DAB1: variants seen among roughly 807,000 people sequenced by gnomAD.
DAB1 encodes DAB adaptor protein 1, also known as disabled homolog 1.
Under a neutral mutation model 64.6 loss-of-function variants are expected in DAB1, and 15 were observed. The observed-to-expected ratio is 0.23, with a 90% CI of 0.16 to 0.36. The LOEUF is 0.36. DAB1 is among the 10% of genes least tolerant of loss of function. The pLI, the probability that DAB1 is intolerant of heterozygous loss-of-function variation, is 1.00. For synonymous variants in DAB1, 235 were observed against 251.9 expected, an observed-to-expected ratio of 0.93 and a Z score of 0.64; for missense variants, 596 against 706.7, an observed-to-expected ratio of 0.84 and a Z score of 1.78.
intron 4 of DAB1, among the ~76,000 whole-genome samples, chr1:58,307,670 A>G (rs942264187): frequency 3.3e-5 from 5 of 152,086 alleles, no homozygotes; most frequent in Admixed American, 6.6e-5. Context: ...AGTTAGCCAG[A>G]AAGAGAGTGG....
At chr1:57,340,510 A>T in intron 1 of DAB1, among the ~76,000 whole-genome samples, 1 of 152,174 alleles carries the variant, frequency 6.6e-6, no homozygotes, top group East Asian at 1.9e-4. Context: ...ATCTGTATTG[A>T]TTTGTGCAGC....
intron 4 of DAB1, among the ~76,000 whole-genome samples, chr1:58,168,376 C>T (rs749721278): frequency 5.3e-5 from 8 of 152,114 alleles, no homozygotes; most frequent in South Asian, 2.1e-4. Context: ...GTCACCCAAG[C>T]GAAACTTGCC....
intron 4 of DAB1, among the ~76,000 whole-genome samples, chr1:58,168,944 TAGG>T: frequency 6.6e-6 from 1 of 152,222 alleles, no homozygotes. Flanking sequence ...CTTTGTGGTC[TAGG>T]AGGACAGGCA....
At chr1:58,043,577 C>T (rs1258180150) in intron 5 of DAB1, among the ~76,000 whole-genome samples, 4 of 152,174 alleles carry the variant, frequency 2.6e-5, no homozygotes, top group South Asian at 4.1e-4. Context: ...TAAAGCCTTC[C>T]GTGAATCTCA....
intron 4 of DAB1, among the ~76,000 whole-genome samples, chr1:58,158,351 T>C (rs776822447): frequency 6.6e-6 from 1 of 152,198 alleles, no homozygotes; most frequent in African/African-American, 2.4e-5. Context: ...AGAGCAGAGA[T>C]AAATTCAAAG....
In DAB1 at chr1:58,041,908, G is replaced by T. The variant is rs185362699; in HGVS notation, n.387+108603C>A. 1.8e-3 allele frequency among the ~76,000 whole-genome samples: 278 copies of T among 152,286 alleles called. 2 individuals carry two copies. Among genetic ancestry groups the T allele is most frequent in the Non-Finnish European group, 2.9e-3 (198 of 68,026 alleles). ...AGGCCATGCATACCTGCTAAGAAAG[G>T]GCTTATCCCCAACACCAACCTCTCA... is the stretch of plus-strand genomic sequence containing the variant. On this transcript the variant is annotated intron_variant and non_coding_transcript_variant, in intron 5 of 20. Coordinates refer to the DAB1 transcript ENST00000485760.
At chr1:58,425,476 T>C (rs1644814132) in intron 3 of DAB1, among the ~76,000 whole-genome samples, 1 of 152,208 alleles carries the variant, frequency 6.6e-6, no homozygotes, top group African/African-American at 2.4e-5. Context: ...TTATGGGGTC[T>C]GAATTTCAGA....
At chr1:57,308,975 G>A (rs1229454838) in intron 1 of DAB1, among the ~76,000 whole-genome samples, 1 of 152,166 alleles carries the variant, frequency 6.6e-6, no homozygotes, top group African/African-American at 2.4e-5. Flanking sequence ...CACCCTGACA[G>A]CCACATGTAG....
intron 5 of DAB1, among the ~76,000 whole-genome samples, chr1:57,919,072 G>A (rs988243749): frequency 6.6e-6 from 1 of 152,198 alleles, no homozygotes; most frequent in Non-Finnish European, 1.5e-5. Flanking sequence ...GAGTAAGAGA[G>A]ACCTCAATTT....
At chr1:58,375,152 C>T (rs1045863992) in intron 3 of DAB1, among the ~76,000 whole-genome samples, 21 of 149,756 alleles carry the variant, frequency 1.4e-4, no homozygotes, top group Non-Finnish European at 2.5e-4. Flanking sequence ...TTGCTCTTTT[C>T]CTAATTGAAT....
chr1:58,073,364 C>T (rs367687590), intron 5 of DAB1, among the ~76,000 whole-genome samples: 3 of 152,186 alleles, frequency 2.0e-5, no homozygotes, highest in African/African-American at 7.2e-5. Flanking sequence ...TCTACCCACC[C>T]TCAATTTCCA....
intron 4 of DAB1, among the ~76,000 whole-genome samples, chr1:57,123,916 A>G (rs931438643): frequency 6.6e-5 from 10 of 152,180 alleles, no homozygotes; most frequent in African/African-American, 2.2e-4. Context: ...ATTTCACATA[A>G]TTTGCAGTTT....
intron 6 of DAB1, among the ~76,000 whole-genome samples, chr1:57,798,192 G>T (rs1029924728): frequency 6.6e-6 from 1 of 152,210 alleles, no homozygotes; most frequent in African/African-American, 2.4e-5. Flanking sequence ...GAGCTGCAGT[G>T]CTTTCCACTC....
chr1:57,987,832 T>G (rs1445367656), intron 5 of DAB1, among the ~76,000 whole-genome samples: 1 of 131,448 alleles, frequency 7.6e-6, no homozygotes. Flanking sequence ...GTGAGAGGGT[T>G]TTTTTGTTTT....
chr1:57,388,317 C>T (rs1200397672), intron 1 of DAB1, among the ~76,000 whole-genome samples: 1 of 152,182 alleles, frequency 6.6e-6, no homozygotes, highest in Non-Finnish European at 1.5e-5. Context: ...TCACCCAGAA[C>T]ATCTCCATCA....
intron 6 of DAB1, among the ~76,000 whole-genome samples, chr1:57,748,865 T>G (rs1158658346): frequency 6.6e-6 from 1 of 152,232 alleles, no homozygotes; most frequent in African/African-American, 2.4e-5. Context: ...AATCTTTTCA[T>G]GCAGGCTGGC....
intron 4 of DAB1, among the ~76,000 whole-genome samples, chr1:58,256,976 T>C (rs902092949): frequency 2.0e-5 from 3 of 152,250 alleles, no homozygotes; most frequent in Non-Finnish European, 4.4e-5. Context: ...GAAATTTTTA[T>C]TGTTATTAAA....
intron 7 of DAB1, among the ~76,000 whole-genome samples, chr1:57,449,518 C>T (rs553029276): frequency 3.8e-4 from 58 of 151,900 alleles, no homozygotes; most frequent in African/African-American, 1.2e-3. Flanking sequence ...GTAGGTGGTA[C>T]TACAGGTGCA....
chr1:58,470,510 C>T (rs996196769), intron 3 of DAB1, among the ~76,000 whole-genome samples: 2 of 152,126 alleles, frequency 1.3e-5, no homozygotes, highest in African/African-American at 4.8e-5. Context: ...AGGCCTGATC[C>T]TTATCCTTCA....
Sources: allele counts gnomAD v4.1 joint callset (sites outside exome capture counted in the v4.1 genomes callset), GRCh38; gene constraint gnomAD v4.1.1; transcripts MANE v1.5; gene names NCBI Gene and HGNC (gene_info 2026-07-23, HGNC 2026-07-21).